The following SOX6 variants were observed in gnomAD, a reference collection of about 807,000 sequenced individuals.
SOX6 encodes transcription factor SOX-6.
SOX6 carries 11 observed loss-of-function variants against 97.8 expected under a neutral mutation model. The ratio of observed to expected loss-of-function variants is 0.11; its 90% CI spans 0.07 to 0.19. The LOEUF (loss-of-function observed/expected upper bound fraction) is 0.19, where lower values mean the gene tolerates loss of function less well. Among genes scored for constraint, SOX6 ranks in the 10% least tolerant of loss-of-function variants. SOX6 has a pLI of 1.00. For missense variants in SOX6, 810 were observed against 1,039.5 expected (o/e 0.78, Z 3.04); for synonymous variants, 360 against 371.4 (o/e 0.97, Z 0.35).
At chr11:16,176,821 T>C (rs1589998941) in intron 6 of SOX6, among the ~76,000 whole-genome samples, 1 of 152,056 alleles carries the variant, frequency 6.6e-6, no homozygotes, top group East Asian at 1.9e-4. Context: ...AGAAAGGATC[T>C]GAAATACTGG....
chr11:16,643,117 A>C (rs1848949385), intron 3 of SOX6, among the ~76,000 whole-genome samples: 1 of 152,020 alleles, frequency 6.6e-6, no homozygotes, highest in African/African-American at 2.4e-5. Context: ...TCTGTTTGTT[A>C]GTTTTCCTTC....
intron 4 of SOX6, among the ~76,000 whole-genome samples, chr11:16,555,192 A>G (rs1327505055): frequency 1.4e-4 from 22 of 151,952 alleles, no homozygotes; most frequent in Non-Finnish European, 2.9e-5. Flanking sequence ...CACTTAAAAA[A>G]TTCAACAATA....
intron 3 of SOX6, among the ~76,000 whole-genome samples, chr11:16,242,606 C>T (rs1853227323): frequency 6.6e-6 from 1 of 150,884 alleles, no homozygotes; most frequent in Non-Finnish European, 1.5e-5. Context: ...AGAAAACACA[C>T]CAGAAATTAA....
intron 3 of SOX6, among the ~76,000 whole-genome samples, chr11:16,639,189 T>A (rs1449944466): frequency 6.6e-6 from 1 of 152,224 alleles, no homozygotes; most frequent in Non-Finnish European, 1.5e-5. Flanking sequence ...CCCCATTTCT[T>A]GTTTTTGTCA....
chr11:16,674,534 T>G (rs1366052695), intron 3 of SOX6, among the ~76,000 whole-genome samples: 1 of 152,204 alleles, frequency 6.6e-6, no homozygotes, highest in Non-Finnish European at 1.5e-5. Flanking sequence ...AACGTAGTAC[T>G]GAAGTCCTAG....
chr11:16,414,995 T>C (rs1301148264), intron 1 of SOX6, among the ~76,000 whole-genome samples: 1 of 152,166 alleles, frequency 6.6e-6, no homozygotes, highest in Non-Finnish European at 1.5e-5. Flanking sequence ...GTCATTATAT[T>C]CACAATGTAT....
intron 4 of SOX6, among the ~76,000 whole-genome samples, chr11:16,540,753 C>T (rs1181749130): frequency 1.3e-5 from 2 of 152,096 alleles, no homozygotes; most frequent in Non-Finnish European, 2.9e-5. Context: ...ACCAAAGAAT[C>T]CAACTTACAA....
chr11:16,284,814 T>G lies in SOX6; in HGVS notation c.445+33632A>C, dbSNP rs982047514. Among the ~76,000 whole-genome samples, 5 of 152,304 alleles carry G rather than the reference T, an allele frequency of 3.3e-5. No individual in the cohort carries two copies. The South Asian group carries it at 1.0e-3, about 32-fold the overall frequency. On this transcript the variant is annotated intron_variant, in intron 3 of 15. Transcript: ENST00000683767. ...GTGAGCCTCTTCTGGTAAAGCTGTA[T>G]TTTATTCAAATTCTTGTCCCATGTG... is the stretch of plus-strand genomic sequence containing the variant.
chr11:16,680,497 C>T (rs548459730), intron 3 of SOX6, among the ~76,000 whole-genome samples: 11 of 152,268 alleles, frequency 7.2e-5, no homozygotes, highest in Admixed American at 1.3e-4. Context: ...CCAGCCACTA[C>T]AAAAAGATGC....
chr11:16,439,602 C>T (rs1226344310), intron 1 of SOX6, among the ~76,000 whole-genome samples: 1 of 152,176 alleles, frequency 6.6e-6, no homozygotes, highest in Non-Finnish European at 1.5e-5. Flanking sequence ...CAAAAAATGG[C>T]TTTAATCCTT....
intron 9 of SOX6, among the ~76,000 whole-genome samples, chr11:16,062,931 T>A: frequency 6.6e-6 from 1 of 151,874 alleles, no homozygotes; most frequent in East Asian, 1.9e-4. Flanking sequence ...ATCTAGCAAG[T>A]AGCTTGCCCA....
At chr11:16,562,376 A>C (rs1310160585) in intron 4 of SOX6, among the ~76,000 whole-genome samples, 1 of 152,192 alleles carries the variant, frequency 6.6e-6, no homozygotes, top group Non-Finnish European at 1.5e-5. Context: ...AGAAGCCAGC[A>C]ACCTAAAAAC....
At chr11:16,196,136 T>C (rs528531485) in intron 4 of SOX6, among the ~76,000 whole-genome samples, 32 of 152,340 alleles carry the variant, frequency 2.1e-4, no homozygotes, top group African/African-American at 7.0e-4. Context: ...CTACAATTGC[T>C]TTGCACTGGG....
chr11:16,272,766 A>G (rs996453070), intron 3 of SOX6, among the ~76,000 whole-genome samples: 3 of 151,772 alleles, frequency 2.0e-5, no homozygotes, highest in Admixed American at 1.3e-4. Flanking sequence ...GAAATTCTAG[A>G]ACTCTGTATT....
At position 15,972,815 on chromosome 11, in the gene SOX6, G is replaced by A; in HGVS notation, c.2481C>T (p.Ala827=). 1 of 1,614,118 alleles carries A rather than the reference G, an allele frequency of 6.2e-7. No homozygotes were observed. Among genetic ancestry groups the A allele is most frequent in the East Asian group, 2.2e-5 (1 of 44,876 alleles). Residue 827 remains alanine (A), a synonymous_variant, in exon 16 of 16, where the codon GCC becomes GCT. Coordinates refer to ENST00000683767, the MANE Select transcript of SOX6 (RefSeq NM_001367873.1). ...SENEAPEAVS[A]N ...TTCAGCAAACAAAAACTCCTCAGTT[G>A]GCACTGACAGCCTCCGGGGCTTCAT...
intron 1 of SOX6, among the ~76,000 whole-genome samples, chr11:16,395,591 G>A (rs546214307): frequency 2.6e-5 from 4 of 151,812 alleles, no homozygotes; most frequent in East Asian, 1.9e-4. Flanking sequence ...GGCAATAGAG[G>A]GGTCAGATTC....
chr11:16,552,041 A>G (rs561816287), intron 4 of SOX6, among the ~76,000 whole-genome samples: 2 of 152,308 alleles, frequency 1.3e-5, no homozygotes, highest in African/African-American at 4.8e-5. Flanking sequence ...TATAAGATAC[A>G]TCTTCTATTT....
intron 2 of SOX6, among the ~76,000 whole-genome samples, chr11:16,728,933 T>C (rs539027496): frequency 1.3e-5 from 2 of 152,242 alleles, no homozygotes; most frequent in African/African-American, 4.8e-5. Context: ...TCATGAAGCA[T>C]ACACAAGTAT....
At chr11:16,061,831 G>A (rs1847965267) in intron 9 of SOX6, among the ~76,000 whole-genome samples, 1 of 151,760 alleles carries the variant, frequency 6.6e-6, no homozygotes, top group Non-Finnish European at 1.5e-5. Context: ...TGGGAAAATT[G>A]GATTGCATAT....
Sources: gnomAD v4.1 joint callset for allele counts (sites outside exome capture counted in the v4.1 genomes callset) on GRCh38, gnomAD v4.1.1 for gene constraint, MANE v1.5 for transcripts, NCBI Gene and HGNC (gene_info 2026-07-23, HGNC 2026-07-21) for gene names.